URB1: variants seen among roughly 807,000 people sequenced by gnomAD.
URB1 encodes nucleolar pre-ribosomal-associated protein 1.
A neutral mutation model predicts 242.3 loss-of-function variants in URB1; 197 were observed. The observed-to-expected ratio is 0.81, with a 90% CI of 0.72 to 0.91. The LOEUF is 0.91. URB1 is among the 40% of genes least tolerant of loss of function. URB1 has a pLI of 0.00. For missense variants in URB1, 2,721 were observed against 2,860.5 expected (o/e 0.95, Z 1.11); for synonymous variants, 1,153 against 1,201.8 (o/e 0.96, Z 0.84).
intron 33 of URB1, 92 bp downstream of exon 33, chr21:32,322,386 A>C: frequency 8.5e-7 from 1 of 1,172,000 alleles, no homozygotes. Flanking sequence ...CGTGCAGCAT[A>C]CAGGATCCAT....
intron 4 of URB1, 132 bp from the exon 5 acceptor site, chr21:32,378,673 G>A: frequency 1.4e-6 from 1 of 725,564 alleles, no homozygotes; most frequent in Non-Finnish European, 2.4e-6. Context: ...CCAGTCACCA[G>A]GGGATGCAAG....
Position 32,373,712 on chromosome 21 carries a change from A to T in URB1, c.811T>A (p.Leu271Met). The stretch of plus-strand genomic sequence containing the variant: ...TTGTACAGCGATGCTATGTGGTTCA[A>T]TAACTGCCCCGTAAAGAAACGCACC... Reference protein sequence around the residue: ...QKVRFFTGQLLNHIASLYNWN... With the variant: ...QKVRFFTGQLMNHIASLYNWN... The change falls in exon 7 of 39, where the codon TTG (leucine) becomes ATG (methionine). Residue 271 changes from leucine (L) to methionine (M), a missense_variant. Transcript: ENST00000382751. 6.5e-7 allele frequency: 1 copy of T among 1,549,850 alleles called. No individual in the cohort carries two copies. The highest frequency in any genetic ancestry group is 8.7e-7 in the Non-Finnish European group (1 of 1,146,406).
At chr21:32,375,257 A>T in intron 6 of URB1, 141 bp downstream of exon 6, 1 of 485,078 alleles carries the variant, frequency 2.1e-6, no homozygotes, top group Non-Finnish European at 3.5e-6. Flanking sequence ...GTTTCTGCTT[A>T]GGGAAGAGTT....
intron 30 of URB1, among the ~76,000 whole-genome samples, chr21:32,327,698 T>C (rs2123553081): frequency 6.6e-6 from 1 of 152,312 alleles, no homozygotes; most frequent in Middle Eastern, 3.4e-3. Flanking sequence ...CATACTGAAA[T>C]GTAATGCATG....
At position 32,383,366 on chromosome 21, in the gene URB1, C is replaced by T. The variant is rs543672072; in HGVS notation, c.567+56G>A. Reference sequence around the variant, plus strand: ...GCAGAGAATGGAGGAAAAACCACTACAGTCCTCCAAGGGAAGGAGACCCAT... The same window carrying T: ...GCAGAGAATGGAGGAAAAACCACTATAGTCCTCCAAGGGAAGGAGACCCAT... On this transcript the variant is annotated intron_variant, in intron 4 of 38. Coordinates refer to ENST00000382751, the MANE Select transcript of URB1 (RefSeq NM_014825.3). 8.7e-5 allele frequency: 131 copies of T among 1,509,606 alleles called. 1 individual carries two copies. The South Asian group carries it at 1.7e-3, about 19-fold the overall frequency. The allele number at this position is 1,509,606 out of a possible 1,614,324, so 93.5% of individuals were successfully genotyped here. A position where few individuals can be genotyped will look rare whatever the true frequency, so the allele number is the denominator to read the frequency against.
At chr21:32,336,376 A>G (rs1161861743) in intron 28 of URB1, among the ~76,000 whole-genome samples, 2 of 151,344 alleles carry the variant, frequency 1.3e-5, no homozygotes, top group Non-Finnish European at 1.5e-5. Context: ...TCCTGGCTGA[A>G]CACACACACA....
intron 33 of URB1, 136 bp downstream of exon 33, chr21:32,322,342 C>A: frequency 1.3e-6 from 1 of 771,568 alleles, no homozygotes; most frequent in East Asian, 2.7e-5. Flanking sequence ...GAAGTGCAGG[C>A]CTGCGTGGCC....
At chr21:32,315,144 A>G (rs1008186168) in intron 38 of URB1, 45 bp from the exon 39 acceptor site, 2 of 1,448,088 alleles carry the variant, frequency 1.4e-6, no homozygotes, top group African/African-American at 1.4e-5. Flanking sequence ...ACACCTGCTC[A>G]GCTCGAAAAC....
At chr21:32,356,143 G>A (rs78859577) in intron 15 of URB1, among the ~76,000 whole-genome samples, 2,591 of 152,344 alleles carry the variant, frequency 0.017, 78 homozygotes, top group African/African-American at 0.059. Context: ...CACTTCAGGA[G>A]ACTGAGGTGT....
intron 35 of URB1, 56 bp downstream of exon 35, chr21:32,320,474 CG>C: frequency 7.7e-7 from 1 of 1,297,480 alleles, no homozygotes; most frequent in Non-Finnish European, 1.1e-6. Context: ...CAGACGTCAT[CG>C]TTTCTGTTCC....
chr21:32,348,907 C>A (rs1189297903), intron 21 of URB1, among the ~76,000 whole-genome samples: 1 of 152,262 alleles, frequency 6.6e-6, no homozygotes, highest in Non-Finnish European at 1.5e-5. Context: ...ATTAAACAGC[C>A]TGCTTCCCAA....
chr21:32,312,308 C>A lies in URB1; in HGVS notation c.*2610G>T. 3.1e-6 allele frequency: 4 copies of A among 1,306,964 alleles called. No homozygotes were observed. Among genetic ancestry groups the A allele is most frequent in the Non-Finnish European group, 3.9e-6 (4 of 1,019,114 alleles). The allele number at this position is 1,306,964 out of a possible 1,614,324, so 81.0% of individuals were successfully genotyped here. The stretch of plus-strand genomic sequence containing the variant: ...GAGGAAAAGCTGTTTGCTTACTAAT[C>A]TTTACTATGCCACTTTACCATTACT... On this transcript the variant is annotated 3_prime_UTR_variant, in exon 39 of 39. Coordinates refer to ENST00000382751, the MANE Select transcript of URB1 (RefSeq NM_014825.3).
intron 20 of URB1, among the ~76,000 whole-genome samples, chr21:32,349,895 G>T (rs2033137516): frequency 6.6e-6 from 1 of 151,096 alleles, no homozygotes; most frequent in African/African-American, 2.4e-5. Flanking sequence ...AGGAGTTCAA[G>T]ACCAGCCTGG....
At chr21:32,383,244 C>A (rs1005036587) in intron 4 of URB1, among the ~76,000 whole-genome samples, 178 bp downstream of exon 4, 11 of 152,232 alleles carry the variant, frequency 7.2e-5, no homozygotes, top group African/African-American at 2.7e-4. Flanking sequence ...CTATCGCCAG[C>A]CTGAAGCGAG....
In URB1 at chr21:32,317,005, C is replaced by T. The variant is rs763973694; in HGVS notation, c.6095G>A (p.Arg2032Gln). The change falls in exon 38 of 39, where the codon CGA (arginine) becomes CAA (glutamine). Residue 2032 changes from arginine to glutamine, a missense_variant. By Grantham distance (43) the Arg-to-Gln change is conservative. Coordinates refer to ENST00000382751, the MANE Select transcript of URB1 (RefSeq NM_014825.3). ...CTCTGCCTCCCCAGGCCTCCTCTTT[C>T]GGCCCCGTGGGCCTTTGGCTCGGGC... The part of the protein sequence containing the change: ...MPARAKGPRG[R>Q]KRRPGEAEEM... The T allele has an allele frequency of 7.1e-6, 11 of 1,551,400 alleles. No homozygotes were observed. The highest frequency in any genetic ancestry group is 5.9e-5 in the Admixed American group (3 of 50,942).
intron 20 of URB1, among the ~76,000 whole-genome samples, chr21:32,350,363 T>C (rs2033143074): frequency 6.6e-6 from 1 of 152,140 alleles, no homozygotes. Context: ...TTGAGTCCAC[T>C]GAGGTCAAGG....
intron 14 of URB1, among the ~76,000 whole-genome samples, chr21:32,359,357 G>C (rs1025932778): frequency 2.0e-5 from 3 of 151,992 alleles, no homozygotes; most frequent in African/African-American, 7.3e-5. Flanking sequence ...TAAAGACCTA[G>C]AAAAAAATGC....
At chr21:32,341,284 A>T (rs953194149) in intron 25 of URB1, among the ~76,000 whole-genome samples, 182 bp downstream of exon 25, 2 of 152,222 alleles carry the variant, frequency 1.3e-5, no homozygotes, top group Non-Finnish European at 2.9e-5. Flanking sequence ...TTCTCTCATC[A>T]TCAGAAGCAC....
chr21:32,355,152 T>C (rs2033204913), intron 16 of URB1, among the ~76,000 whole-genome samples, 155 bp from the exon 17 acceptor site: 1 of 152,232 alleles, frequency 6.6e-6, no homozygotes, highest in African/African-American at 2.4e-5. Flanking sequence ...AACTTTTTAT[T>C]GTGGAGTTAA....
Sources: gnomAD v4.1 joint callset for allele counts (sites outside exome capture counted in the v4.1 genomes callset) on GRCh38, gnomAD v4.1.1 for gene constraint, MANE v1.5 for transcripts, NCBI Gene and HGNC (gene_info 2026-07-23, HGNC 2026-07-21) for gene names.